The following CDIN1 variants were observed in gnomAD, a reference collection of about 807,000 sequenced individuals.
CDIN1 encodes CDAN1-interacting nuclease 1.
In CDIN1, 33 loss-of-function variants were observed where a neutral mutation model predicts 45.3. The observed-to-expected ratio is 0.73, with a 90% CI of 0.55 to 0.97. The LOEUF is 0.97. Among genes scored for constraint, CDIN1 ranks in the 50% least tolerant of loss-of-function variants. The pLI, the probability that CDIN1 is intolerant of heterozygous loss-of-function variation, is 0.00. For missense variants in CDIN1, 303 were observed against 339.4 expected (o/e 0.89, Z 0.84); for synonymous variants, 118 against 124.4 (o/e 0.95, Z 0.34).
chr15:36,755,446 A>G (rs2053586458), intron 10 of CDIN1, among the ~76,000 whole-genome samples: 1 of 152,180 alleles, frequency 6.6e-6, no homozygotes, highest in South Asian at 2.1e-4. Flanking sequence ...GCTCCTCTGC[A>G]TAGTCATTAA....
chr15:36,659,588 G>T (rs1237382530), intron 5 of CDIN1, among the ~76,000 whole-genome samples: 1 of 149,494 alleles, frequency 6.7e-6, no homozygotes, highest in Non-Finnish European at 1.5e-5. Context: ...TGGGTTAATG[G>T]TTGTTTCACT....
At chr15:36,640,142 A>C (rs1027440530) in intron 1 of CDIN1, among the ~76,000 whole-genome samples, 1 of 152,158 alleles carries the variant, frequency 6.6e-6, no homozygotes, top group Non-Finnish European at 1.5e-5. Flanking sequence ...AGTTTGTAGT[A>C]GTATTATATC....
At chr15:36,581,247 A>G (rs1196494811) in intron 1 of CDIN1, among the ~76,000 whole-genome samples, 1 of 152,240 alleles carries the variant, frequency 6.6e-6, no homozygotes, top group Non-Finnish European at 1.5e-5. Context: ...AAGAAAGAGC[A>G]TACATTTTGA....
intron 1 of CDIN1, chr15:36,614,146 T>A: frequency 1.4e-6 from 1 of 722,452 alleles, no homozygotes; most frequent in Admixed American, 1.7e-5. Flanking sequence ...CAAAGAGGAG[T>A]ATTCTGTACA....
intron 1 of CDIN1, among the ~76,000 whole-genome samples, chr15:36,603,840 C>T (rs369055212): frequency 6.6e-6 from 1 of 152,068 alleles, no homozygotes; most frequent in East Asian, 1.9e-4. Context: ...GGTAGGGAGG[C>T]AACATTAAAC....
At chr15:36,711,260 A>G (rs28620852) in intron 10 of CDIN1, among the ~76,000 whole-genome samples, 2 of 149,382 alleles carry the variant, frequency 1.3e-5, no homozygotes, top group Non-Finnish European at 2.9e-5. Flanking sequence ...AAAGTATTTT[A>G]AAAAAAACTG....
intron 1 of CDIN1, among the ~76,000 whole-genome samples, chr15:36,601,005 A>G (rs1387362924): frequency 2.0e-5 from 3 of 152,166 alleles, no homozygotes; most frequent in Non-Finnish European, 4.4e-5. Flanking sequence ...GATTCAACAT[A>G]ATTTCTATTA....
At chr15:36,672,203 T>C (rs1417492465) in intron 5 of CDIN1, among the ~76,000 whole-genome samples, 2 of 152,118 alleles carry the variant, frequency 1.3e-5, no homozygotes, top group African/African-American at 4.8e-5. Flanking sequence ...TTTTACTGTA[T>C]TCTTTTTCTA....
At chr15:36,794,560 G>A (rs983474034) in intron 10 of CDIN1, among the ~76,000 whole-genome samples, 3 of 152,110 alleles carry the variant, frequency 2.0e-5, no homozygotes, top group African/African-American at 7.2e-5. Context: ...GTCCGTTTAT[G>A]ACTGGCTTAT....
At chr15:36,597,254 T>C (rs1048357651) in intron 1 of CDIN1, among the ~76,000 whole-genome samples, 1 of 152,218 alleles carries the variant, frequency 6.6e-6, no homozygotes, top group African/African-American at 2.4e-5. Flanking sequence ...ACATTGCTTG[T>C]TTGGAAATAA....
rs374033895 is a variant in CDIN1 at position 36,684,865 on chromosome 15, G to A, written c.347-6820G>A. ...CTTCTAGATTTTCTAGTTTATTTGC[G>A]TAGAGGTGTTTGTAGTATTCTCTGA... On this transcript the variant is annotated intron_variant, in intron 5 of 10. Coordinates refer to ENST00000566621, the MANE Select transcript of CDIN1 (RefSeq NM_001321759.2). 1.2e-3 allele frequency among the ~76,000 whole-genome samples: 179 copies of A among 148,736 alleles called. No homozygotes were observed. The East Asian group carries it at 0.027, about 22-fold the overall frequency.
chr15:36,792,052 T>C (rs2054659108), intron 10 of CDIN1, among the ~76,000 whole-genome samples: 1 of 152,200 alleles, frequency 6.6e-6, no homozygotes, highest in Non-Finnish European at 1.5e-5. Flanking sequence ...GCTTGTCTTA[T>C]GTCACCCAGG....
chr15:36,646,728 T>G (rs1423110949), intron 3 of CDIN1, among the ~76,000 whole-genome samples: 2 of 152,242 alleles, frequency 1.3e-5, no homozygotes, highest in Non-Finnish European at 2.9e-5. Flanking sequence ...AGTATGATTT[T>G]ATGTCTGGAT....
At chr15:36,629,914 A>G (rs2039611072) in intron 1 of CDIN1, among the ~76,000 whole-genome samples, 1 of 152,230 alleles carries the variant, frequency 6.6e-6, no homozygotes, top group African/African-American at 2.4e-5. Flanking sequence ...GTGCATACAT[A>G]TATATGTATA....
At chr15:36,651,275 C>T (rs2040568132) in intron 3 of CDIN1, among the ~76,000 whole-genome samples, 1 of 152,102 alleles carries the variant, frequency 6.6e-6, no homozygotes, top group Non-Finnish European at 1.5e-5. Flanking sequence ...TTGTGTAGCC[C>T]TACCCCAAAG....
chr15:36,605,597 T>C (rs2038325535), intron 1 of CDIN1, among the ~76,000 whole-genome samples: 1 of 152,198 alleles, frequency 6.6e-6, no homozygotes, highest in South Asian at 2.1e-4. Flanking sequence ...AGACATCAGA[T>C]TTGTTCATCA....
chr15:36,779,186 G>A (rs1031424583), intron 10 of CDIN1, among the ~76,000 whole-genome samples: 1 of 152,144 alleles, frequency 6.6e-6, no homozygotes, highest in Non-Finnish European at 1.5e-5. Flanking sequence ...GGGCTTCAAG[G>A]AAACCACTAC....
At chr15:36,734,421 C>T in intron 10 of CDIN1, 2 of 400,114 alleles carry the variant, frequency 5.0e-6, no homozygotes, top group South Asian at 1.9e-5. Context: ...AAAAAAAGCT[C>T]ATTTATTTTC....
At chr15:36,794,427 A>C (rs2054737188) in intron 10 of CDIN1, among the ~76,000 whole-genome samples, 1 of 152,140 alleles carries the variant, frequency 6.6e-6, no homozygotes, top group African/African-American at 2.4e-5. Flanking sequence ...TCGCAAAACA[A>C]ACCCATACTC....
Sources: allele counts gnomAD v4.1 joint callset (sites outside exome capture counted in the v4.1 genomes callset), GRCh38; gene constraint gnomAD v4.1.1; transcripts MANE v1.5; gene names NCBI Gene and HGNC (gene_info 2026-07-23, HGNC 2026-07-21).